The following NRG2 variants were observed in gnomAD, a reference collection of about 807,000 sequenced individuals.
NRG2 encodes pro-neuregulin-2, membrane-bound isoform.
Under a neutral mutation model 73.9 loss-of-function variants are expected in NRG2, and 27 were observed. The ratio of observed to expected loss-of-function variants is 0.37; its 90% CI spans 0.27 to 0.50. The LOEUF (loss-of-function observed/expected upper bound fraction) is 0.50. Ranked by LOEUF, NRG2 falls within the 20% of genes least tolerant of loss-of-function variation. The pLI is 0.96. For synonymous variants in NRG2, 532 were observed against 541.0 expected, an observed-to-expected ratio of 0.98 and a Z score of 0.23; for missense variants, 1,126 against 1,210.1, an observed-to-expected ratio of 0.93 and a Z score of 1.03.
At chr5:139,906,251 C>A (rs896601196) in intron 1 of NRG2, among the ~76,000 whole-genome samples, 26 of 152,152 alleles carry the variant, frequency 1.7e-4, no homozygotes, top group African/African-American at 5.3e-4. Context: ...CCTGATCCGC[C>A]TGCCTCAGCC....
intron 3 of NRG2, among the ~76,000 whole-genome samples, chr5:139,874,400 C>T (rs1395303750): frequency 3.9e-5 from 6 of 152,216 alleles, no homozygotes; most frequent in Admixed American, 2.6e-4. Context: ...TTCCTATCTC[C>T]GTGACCAAAT....
rs570796234 is a variant in NRG2, at chr5:139,904,575, C to T, written c.701-17064G>A. On this transcript the variant is annotated intron_variant, in intron 1 of 9. Coordinates refer to ENST00000361474, the MANE Select transcript of NRG2 (RefSeq NM_004883.3). The surrounding 1 kb of genome is among the most constrained non-coding windows in gnomAD (Gnocchi z 6.0). Reference sequence around the variant, plus strand: ...CTCCCGCGCCCTCCACCCTCGCCCCCCCTCCACCGGCTCGGGCCGCGGGGG... The same window carrying T: ...CTCCCGCGCCCTCCACCCTCGCCCCTCCTCCACCGGCTCGGGCCGCGGGGG... Among the ~76,000 whole-genome samples, 2 of 152,124 alleles carry T rather than the reference C, an allele frequency of 1.3e-5. No homozygotes were observed. The highest frequency in any genetic ancestry group is 2.4e-5 in the African/African-American group (1 of 41,456).
At chr5:139,963,654 G>A (rs1755250965) in intron 1 of NRG2, among the ~76,000 whole-genome samples, 2 of 152,218 alleles carry the variant, frequency 1.3e-5, no homozygotes, top group South Asian at 4.1e-4. Flanking sequence ...TTATAGAAGA[G>A]GAAACTGAGA....
chr5:139,860,687 T>C (rs1285223221), intron 5 of NRG2, among the ~76,000 whole-genome samples: 1 of 152,186 alleles, frequency 6.6e-6, no homozygotes, highest in Non-Finnish European at 1.5e-5. Context: ...TCTGAGCTCC[T>C]CAACTGGTGG....
At chr5:139,878,761 G>A (rs1763343696) in intron 3 of NRG2, among the ~76,000 whole-genome samples, 1 of 152,226 alleles carries the variant, frequency 6.6e-6, no homozygotes, top group East Asian at 1.9e-4. Context: ...GAGGTGGCAG[G>A]TGCTAGACCC....
Position 139,847,790 on chromosome 5 carries a change from A to C in NRG2, c.*127T>G. ...AAATGAAAATAAAACATTTTGTTAT[A>C]CTTTTTTCCTTTTATAGAAAATAAA... On this transcript the variant is annotated 3_prime_UTR_variant, in exon 10 of 10. Coordinates refer to ENST00000361474, the MANE Select transcript of NRG2 (RefSeq NM_004883.3). The C allele has an allele frequency of 1.5e-6, 1 of 667,068 alleles. No individual in the cohort carries two copies. Among genetic ancestry groups the C allele is most frequent in the Non-Finnish European group, 2.1e-6 (1 of 465,648 alleles). 41.3% of individuals were successfully genotyped at this position (667,068 alleles called of 1,614,324 possible).
chr5:139,868,163 G>T lies in NRG2; in HGVS notation c.1113-2538C>A, dbSNP rs1017870564. 6.6e-6 allele frequency among the ~76,000 whole-genome samples: 1 copy of T among 152,140 alleles called. No homozygotes were observed. Among genetic ancestry groups the T allele is most frequent in the African/African-American group, 2.4e-5 (1 of 41,416 alleles). Reference sequence around the variant, plus strand: ...TGGTGGAAGGCTGACAGCTACTGCTGTTCTTTGGGGTGCTAGCTCCTTCAG... The same window carrying T: ...TGGTGGAAGGCTGACAGCTACTGCTTTTCTTTGGGGTGCTAGCTCCTTCAG... On this transcript the variant is annotated intron_variant, in intron 4 of 9. Coordinates refer to ENST00000361474, the MANE Select transcript of NRG2 (RefSeq NM_004883.3). The surrounding 1 kb of genome is among the most constrained non-coding windows in gnomAD (Gnocchi z 4.2).
intron 1 of NRG2, among the ~76,000 whole-genome samples, chr5:139,888,134 A>G (rs949242384): frequency 6.6e-6 from 1 of 152,086 alleles, no homozygotes; most frequent in Admixed American, 6.6e-5. Flanking sequence ...ACACACACAC[A>G]CACACCCTGA....
chr5:139,925,477 C>T (rs1751982700), intron 1 of NRG2, among the ~76,000 whole-genome samples: 1 of 152,178 alleles, frequency 6.6e-6, no homozygotes, highest in African/African-American at 2.4e-5. Context: ...GGCTGGTGCC[C>T]ACTGTGTACC....
At chr5:139,998,842 G>A (rs1372427838) in intron 1 of NRG2, among the ~76,000 whole-genome samples, 1 of 152,160 alleles carries the variant, frequency 6.6e-6, no homozygotes, top group Admixed American at 6.5e-5. Context: ...GATAGGAAGA[G>A]GAGTTAAGAC....
intron 1 of NRG2, among the ~76,000 whole-genome samples, chr5:139,888,852 C>T (rs1222566098): frequency 6.6e-6 from 1 of 152,176 alleles, no homozygotes. Context: ...TCCTTTGTCT[C>T]CATACTCATA....
intron 1 of NRG2, among the ~76,000 whole-genome samples, chr5:140,001,974 C>A (rs1026532388): frequency 6.6e-6 from 1 of 151,734 alleles, no homozygotes; most frequent in Non-Finnish European, 1.5e-5. Flanking sequence ...CTTGAGCCCA[C>A]GAGTTTGAGA....
At chr5:139,971,960 C>T (rs1168993595) in intron 1 of NRG2, among the ~76,000 whole-genome samples, 7 of 152,054 alleles carry the variant, frequency 4.6e-5, no homozygotes, top group Admixed American at 4.6e-4. Flanking sequence ...AAAAAGAGAA[C>T]GTGCACTGCC....
intron 2 of NRG2, among the ~76,000 whole-genome samples, chr5:139,885,722 TG>T (rs1306979514): frequency 2.2e-5 from 3 of 137,274 alleles, no homozygotes; most frequent in South Asian, 2.4e-4. Flanking sequence ...GTGTGTGTGG[TG>T]GGGGGGAATG....
intron 1 of NRG2, among the ~76,000 whole-genome samples, chr5:139,984,203 A>G (rs988067421): frequency 5.9e-5 from 9 of 152,200 alleles, no homozygotes; most frequent in African/African-American, 2.2e-4. Flanking sequence ...AGGCTGTTCA[A>G]CATAGCATTA....
At chr5:140,036,532 C>T (rs1199809901) in intron 1 of NRG2, among the ~76,000 whole-genome samples, 1 of 152,172 alleles carries the variant, frequency 6.6e-6, no homozygotes, top group African/African-American at 2.4e-5. Flanking sequence ...TCAAACTTGT[C>T]ATAATTTAGC....
chr5:139,978,193 C>T (rs1209717641), intron 1 of NRG2, among the ~76,000 whole-genome samples: 4 of 152,214 alleles, frequency 2.6e-5, no homozygotes, highest in African/African-American at 9.7e-5. Flanking sequence ...GCAATCTACT[C>T]ATCTGACAAA....
chr5:140,001,045 AG>A, intron 1 of NRG2, among the ~76,000 whole-genome samples: 1 of 152,238 alleles, frequency 6.6e-6, no homozygotes, highest in East Asian at 1.9e-4. Context: ...GACCTCTCAG[AG>A]TTCCCTGGAT....
rs968166737 is a variant in NRG2 at position 139,853,264 on chromosome 5, C to G, written c.1293-237G>C. Among the ~76,000 whole-genome samples the G allele has an allele frequency of 1.3e-5, 2 of 151,598 alleles. No homozygotes were observed. Among genetic ancestry groups the G allele is most frequent in the Non-Finnish European group, 2.9e-5 (2 of 67,830 alleles). ...AGAGTAGAACTTCACTGCTTTCTAGCTATGCAACCCCGGGCAAGTTACTTA... is the reference window on the plus strand; with the variant it reads ...AGAGTAGAACTTCACTGCTTTCTAGGTATGCAACCCCGGGCAAGTTACTTA... On this transcript the variant is annotated intron_variant, in intron 6 of 9. Coordinates refer to ENST00000361474, the MANE Select transcript of NRG2 (RefSeq NM_004883.3). The surrounding 1 kb of genome is among the most constrained non-coding windows in gnomAD (Gnocchi z 4.1).
Sources: gnomAD v4.1 joint callset for allele counts (sites outside exome capture counted in the v4.1 genomes callset) on GRCh38, gnomAD v4.1.1 for gene constraint, Gnocchi (gnomAD v3.1) non-coding constraint, MANE v1.5 for transcripts, NCBI Gene and HGNC (gene_info 2026-07-23, HGNC 2026-07-21) for gene names.